MDGA2: variants seen among roughly 807,000 people sequenced by gnomAD.
MDGA2 encodes the protein MAM domain-containing glycosylphosphatidylinositol anchor protein 2.
Under a neutral mutation model 117.8 loss-of-function variants are expected in MDGA2, and 40 were observed. The observed-to-expected ratio is 0.34, with a 90% confidence interval of 0.26 to 0.44. The LOEUF is 0.44. Among genes scored for constraint, MDGA2 ranks in the 20% least tolerant of loss-of-function variants. MDGA2 has a pLI of 1.00. For synonymous variants in MDGA2, 452 were observed against 439.0 expected (o/e 1.03, Z -0.37); for missense variants, 1,123 against 1,250.6 (o/e 0.90, Z 1.54).
intron 1 of MDGA2, among the ~76,000 whole-genome samples, chr14:47,577,269 C>T (rs1211645449): frequency 1.3e-5 from 2 of 152,004 alleles, no homozygotes; most frequent in Non-Finnish European, 2.9e-5. Flanking sequence ...ACACCTCATA[C>T]ATTTTATATA....
intron 10 of MDGA2, among the ~76,000 whole-genome samples, chr14:46,908,051 C>A (rs904441029): frequency 6.6e-6 from 1 of 152,118 alleles, no homozygotes; most frequent in African/African-American, 2.4e-5. Flanking sequence ...GACAATAACC[C>A]TCACACATAT....
intron 1 of MDGA2, among the ~76,000 whole-genome samples, chr14:47,344,915 G>A (rs945356132): frequency 1.3e-4 from 19 of 151,628 alleles, no homozygotes; most frequent in African/African-American, 4.4e-4. Context: ...CAAAATCAAT[G>A]AATTGGTAAT....
intron 8 of MDGA2, among the ~76,000 whole-genome samples, chr14:47,029,923 G>C (rs1394420953): frequency 6.6e-6 from 1 of 151,818 alleles, no homozygotes; most frequent in African/African-American, 2.4e-5. Context: ...TACCTCCTGG[G>C]TTCAAGCAAT....
At chr14:47,049,095 G>C (rs957002653) in intron 7 of MDGA2, among the ~76,000 whole-genome samples, 1 of 151,920 alleles carries the variant, frequency 6.6e-6, no homozygotes, top group African/African-American at 2.4e-5. Flanking sequence ...TATCTATTTT[G>C]TTTACAAGTA....
intron 3 of MDGA2, among the ~76,000 whole-genome samples, chr14:47,146,709 A>G (rs1882959005): frequency 6.6e-6 from 1 of 152,172 alleles, no homozygotes; most frequent in Non-Finnish European, 1.5e-5. Context: ...TGTTGTAAAA[A>G]TTAAATTCTG....
chr14:47,476,401 AGATT>A (rs1893838673), intron 1 of MDGA2, among the ~76,000 whole-genome samples: 1 of 152,176 alleles, frequency 6.6e-6, no homozygotes, highest in Non-Finnish European at 1.5e-5. Flanking sequence ...TGTAAAATAA[AGATT>A]GAGACAAAAT....
intron 5 of MDGA2, among the ~76,000 whole-genome samples, 186 bp from the exon 6 acceptor site, chr14:47,097,309 A>C (rs554611965): frequency 6.6e-6 from 1 of 152,218 alleles, no homozygotes; most frequent in Non-Finnish European, 1.5e-5. Flanking sequence ...AAATGGTATA[A>C]ACATGTAGAA....
intron 4 of MDGA2, among the ~76,000 whole-genome samples, chr14:47,135,439 T>G (rs1035951112): frequency 2.6e-5 from 4 of 152,272 alleles, no homozygotes; most frequent in African/African-American, 9.6e-5. Flanking sequence ...AAATTCTAGA[T>G]TATCCTAATT....
chr14:47,183,159 T>C (rs1053370731), intron 3 of MDGA2, among the ~76,000 whole-genome samples: 5 of 152,080 alleles, frequency 3.3e-5, no homozygotes, highest in African/African-American at 1.2e-4. Flanking sequence ...GGGAACTGTA[T>C]CATCATCTAT....
rs558899997 is a variant in MDGA2 at position 47,544,937 on chromosome 14, A to G, written c.280+129580T>C. Among the ~76,000 whole-genome samples the G allele has an allele frequency of 2.2e-4, 33 of 152,348 alleles. No individual in the cohort carries two copies. The South Asian group carries it at 6.4e-3, about 30-fold the overall frequency. Reference sequence around the variant, plus strand: ...AGTAAAACAATCTTTTCTAAATTTAATCTAATTTACTAACAGAATGATACC... The same window carrying G: ...AGTAAAACAATCTTTTCTAAATTTAGTCTAATTTACTAACAGAATGATACC... On this transcript the variant is annotated intron_variant, in intron 1 of 16. Coordinates refer to ENST00000399232, the MANE Select transcript of MDGA2 (RefSeq NM_001113498.3).
intron 9 of MDGA2, among the ~76,000 whole-genome samples, chr14:46,933,984 C>T (rs1003302425): frequency 5.2e-4 from 78 of 151,082 alleles, no homozygotes; most frequent in African/African-American, 1.8e-3. Context: ...ATGAGTAATA[C>T]ATGTCAAATT....
At chr14:47,154,577 C>T (rs1883292941) in intron 3 of MDGA2, among the ~76,000 whole-genome samples, 1 of 152,198 alleles carries the variant, frequency 6.6e-6, no homozygotes, top group Non-Finnish European at 1.5e-5. Context: ...GCTCCCAGCA[C>T]TGGCTCCAAT....
chr14:47,171,736 T>C (rs1884146430), intron 3 of MDGA2, among the ~76,000 whole-genome samples: 1 of 152,190 alleles, frequency 6.6e-6, no homozygotes, highest in East Asian at 1.9e-4. Flanking sequence ...ATGGGAGATT[T>C]CTGCATTTCC....
chr14:47,451,516 C>A (rs1236471869), intron 1 of MDGA2, among the ~76,000 whole-genome samples: 2 of 152,046 alleles, frequency 1.3e-5, no homozygotes, highest in Non-Finnish European at 2.9e-5. Context: ...GCTAAAGCTT[C>A]CTTCTAATCT....
chr14:47,367,497 C>T (rs970479687), intron 1 of MDGA2, among the ~76,000 whole-genome samples: 2 of 152,150 alleles, frequency 1.3e-5, no homozygotes, highest in Non-Finnish European at 2.9e-5. Flanking sequence ...AATTTGATGT[C>T]ACAACGACCA....
chr14:47,415,785 GC>G (rs1484772369), intron 1 of MDGA2, among the ~76,000 whole-genome samples: 1 of 152,032 alleles, frequency 6.6e-6, no homozygotes, highest in Admixed American at 6.6e-5. Context: ...TCTAGTGAGG[GC>G]CTCCTCCAGG....
intron 1 of MDGA2, among the ~76,000 whole-genome samples, chr14:47,339,776 C>T (rs907965541): frequency 2.0e-5 from 3 of 152,022 alleles, no homozygotes; most frequent in Admixed American, 6.6e-5. Flanking sequence ...TACAGAGCCT[C>T]GGGGATTCCT....
At chr14:47,054,343 C>A (rs966253569) in intron 7 of MDGA2, among the ~76,000 whole-genome samples, 1 of 151,194 alleles carries the variant, frequency 6.6e-6, no homozygotes, top group Non-Finnish European at 1.5e-5. Flanking sequence ...TATTATTATA[C>A]TTTAAGTTTT....
intron 3 of MDGA2, among the ~76,000 whole-genome samples, chr14:47,184,857 G>A (rs925570677): frequency 2.0e-5 from 3 of 151,298 alleles, no homozygotes; most frequent in East Asian, 3.9e-4. Context: ...TAACATATAA[G>A]GTTGAATATG....
Sources: allele counts gnomAD v4.1 joint callset (sites outside exome capture counted in the v4.1 genomes callset), GRCh38; gene constraint gnomAD v4.1.1; transcripts MANE v1.5; gene names NCBI Gene and HGNC (gene_info 2026-07-23, HGNC 2026-07-21).